Variants in NBPF19 observed in about 807,000 individuals in gnomAD.
NBPF19 encodes the protein NBPF member 19, also known as NBPF family member NBPF19.
NBPF19 carries 30 observed loss-of-function variants against 45.9 expected under a neutral mutation model. The observed-to-expected ratio is 0.65, with a 90% CI of 0.49 to 0.89. The LOEUF (loss-of-function observed/expected upper bound fraction) is 0.89, where lower values mean the gene tolerates loss of function less well. Ranked by LOEUF, NBPF19 falls within the 40% of genes least tolerant of loss-of-function variation. The pLI is 0.00. For missense variants in NBPF19, 495 were observed against 471.8 expected, an observed-to-expected ratio of 1.05 and a Z score of -0.46; for synonymous variants, 183 against 181.2, an observed-to-expected ratio of 1.01 and a Z score of -0.08.
rs1426278494 is a variant in NBPF19 at position 149,555,988 on chromosome 1, A to T, written c.*1250A>T. 2.1e-5 allele frequency: 3 copies of T among 143,044 alleles called. No homozygotes were observed. Among genetic ancestry groups the T allele is most frequent in the Non-Finnish European group, 4.6e-5 (3 of 64,752 alleles). The allele number at this position is 143,044 out of a possible 1,614,324, so 8.9% of individuals were successfully genotyped here. ...TTTTAGAGACACCTTACTTATAATG[A>T]AGTACTTGGGAAAGCGGTTTTCAAG... On this transcript the variant is annotated 3_prime_UTR_variant, in exon 94 of 94. Coordinates refer to ENST00000651566, the MANE Select transcript of NBPF19 (RefSeq NM_001351365.2).
At chr1:149,478,568 G>A (rs1178155469) in intron 3 of NBPF19, among the ~76,000 whole-genome samples, 13 of 151,148 alleles carry the variant, frequency 8.6e-5, no homozygotes, top group Non-Finnish European at 1.8e-4. Flanking sequence ...ACATGGAAAT[G>A]TCCATGGCCA....
intron 93 of NBPF19, 31 bp from the exon 94 acceptor site, chr1:149,554,464 G>C: frequency 6.2e-7 from 1 of 1,607,800 alleles, no homozygotes; most frequent in Admixed American, 1.7e-5. Flanking sequence ...ATTTTCCCTG[G>C]CTGCTTCTTT....
rs1181623244 is a variant in NBPF19 at position 149,478,229 on chromosome 1, G to C, written c.278+182G>C. Among the ~76,000 whole-genome samples the C allele has an allele frequency of 4.6e-5, 7 of 151,320 alleles. No homozygotes were observed. The East Asian group carries it at 7.8e-4, about 17-fold the overall frequency. ...GGATAATAATAAGTTCTGTGTTGCA[G>C]TTGTTTCTTAGAGCCTTGTTTTCTC... is the stretch of plus-strand genomic sequence containing the variant. On this transcript the variant is annotated intron_variant, in intron 3 of 93. Transcript: ENST00000651566.
At chr1:149,487,641 A>T (rs2085646932) in intron 9 of NBPF19, among the ~76,000 whole-genome samples, 1 of 150,532 alleles carries the variant, frequency 6.6e-6, no homozygotes, top group South Asian at 2.1e-4. Context: ...GGGAAACTTG[A>T]GCACATTTTA....
rs2101551534 is a variant in NBPF19, at chr1:149,478,886, T to C, written c.285T>C (p.Tyr95=). ...QLKQAEELRQ[Y]KVLFHSQERE... is the part of the protein sequence containing the mutation. ...CTCTACCGTCTCACCTTAGGCAATA[T>C]AAAGTCCTGTTTCACTCTCAGGAAC... is the stretch of plus-strand genomic sequence containing the variant. Residue 95 remains tyrosine, a synonymous_variant, in exon 4 of 94, where the codon TAT becomes TAC. Coordinates refer to ENST00000651566, the MANE Select transcript of NBPF19 (RefSeq NM_001351365.2). 1.2e-6 allele frequency: 2 copies of C among 1,605,106 alleles called. No individual in the cohort carries two copies. The highest frequency in any genetic ancestry group is 4.5e-5 in the East Asian group (2 of 44,806).
rs2101551745 is a variant in NBPF19 at position 149,479,017 on chromosome 1, C to T, written c.416C>T (p.Ser139Phe). ...CTCACTCCGGATGAGCCGGACAAGT[C>T]CCAGGGGCAGGACCTCCAAGAACAG... ...ALLTPDEPDKSQGQDLQEQLA... is the reference protein window; with the variant it reads ...ALLTPDEPDKFQGQDLQEQLA... The change falls in exon 4 of 94, where the codon TCC becomes TTC. Residue 139 changes from serine (S) to phenylalanine (F), a missense_variant. Transcript: ENST00000651566. 6 of 1,577,660 alleles carry T rather than the reference C, an allele frequency of 3.8e-6. No individual in the cohort carries two copies. The East Asian group carries it at 1.1e-4, about 29-fold the overall frequency.
intron 51 of NBPF19, among the ~76,000 whole-genome samples, chr1:149,521,112 C>G (rs1467136864): frequency 1.2e-5 from 1 of 83,832 alleles, no homozygotes; most frequent in African/African-American, 4.8e-5. Flanking sequence ...CTGTCTCTCT[C>G]TCTCTCTCTC....
At chr1:149,484,512 A>G (rs1347459038) in intron 7 of NBPF19, among the ~76,000 whole-genome samples, 1 of 145,908 alleles carries the variant, frequency 6.9e-6, no homozygotes, top group African/African-American at 2.6e-5. Flanking sequence ...ATATATATAT[A>G]TATACATACA....
At chr1:149,487,933 T>G (rs1353455697) in intron 9 of NBPF19, 80 bp from the exon 10 acceptor site, 1 of 725,484 alleles carries the variant, frequency 1.4e-6, no homozygotes. Flanking sequence ...CTCTTCCTTA[T>G]GTTAGCCATG....
intron 61 of NBPF19, among the ~76,000 whole-genome samples, chr1:149,528,947 G>T (rs1243777982): frequency 8.7e-6 from 1 of 115,328 alleles, no homozygotes; most frequent in Non-Finnish European, 1.8e-5. Flanking sequence ...CTCTCTCTCT[G>T]TGTGTGTGTG....
chr1:149,487,620 TGGTA>T (rs1332445263), intron 9 of NBPF19, among the ~76,000 whole-genome samples: 1 of 150,684 alleles, frequency 6.6e-6, no homozygotes, highest in Non-Finnish European at 1.5e-5. Flanking sequence ...TGTATTCTCA[TGGTA>T]ACTGCAGGGA....
intron 8 of NBPF19, among the ~76,000 whole-genome samples, chr1:149,486,555 G>C (rs2085516169): frequency 6.6e-6 from 1 of 151,418 alleles, no homozygotes; most frequent in East Asian, 1.9e-4. Flanking sequence ...ACTCAAGGCA[G>C]GTGTGGCAAA....
chr1:149,487,762 G>T (rs1211660791), intron 9 of NBPF19, among the ~76,000 whole-genome samples: 1 of 141,706 alleles, frequency 7.1e-6, no homozygotes, highest in South Asian at 2.2e-4. Context: ...CTGACCAATT[G>T]ACTGAGCTCG....
chr1:149,554,512 T>G lies in NBPF19; in HGVS notation c.11306T>G (p.Met3769Arg), dbSNP rs1215293262. 6.2e-7 allele frequency: 1 copy of G among 1,608,118 alleles called. No homozygotes were observed. Among genetic ancestry groups the G allele is most frequent in the Admixed American group, 1.7e-5 (1 of 59,862 alleles). The change falls in exon 94 of 94, where the codon ATG becomes AGG. Residue 3769 changes from methionine to arginine, a missense_variant. This residue lies in a region of NBPF19 where 248 missense variants were observed against 95.4 expected (regional missense o/e 2.60). Transcript: ENST00000651566. ...TTTTCCAGGCTCAACAGCGTGCTGA[T>G]GGAAGTGGAAGAGCCTGAAGTCTTA... The part of the protein sequence containing the change: ...PPCPRLNSVL[M>R]EVEEPEVLQD...
chr1:149,515,209 G>A lies in NBPF19; in HGVS notation c.5323+101G>A. The A allele has an allele frequency of 9.2e-6, 5 of 542,654 alleles. 1 individual carries two copies. The highest frequency in any genetic ancestry group is 1.3e-5 in the Non-Finnish European group (4 of 316,684). The allele number at this position is 542,654 out of a possible 1,614,324, so 33.6% of individuals were successfully genotyped here. ...CATTACTGAGCTGAGAGATGTCGTT[G>A]CCGCAGTGAGGACCTATAGGCACAT... On this transcript the variant is annotated intron_variant, in intron 44 of 93. Transcript: ENST00000651566.
At position 149,486,440 on chromosome 1, in the gene NBPF19, G is replaced by A. The variant is rs2085503513; in HGVS notation, c.988+147G>A. 1.3e-4 allele frequency: 91 copies of A among 689,720 alleles called. 2 individuals are homozygous for A. The highest frequency in any genetic ancestry group is 1.3e-3 in the South Asian group (84 of 65,476). The allele number at this position is 689,720 out of a possible 1,614,324, so 42.7% of individuals were successfully genotyped here. On this transcript the variant is annotated intron_variant, in intron 8 of 93. Coordinates refer to ENST00000651566, the MANE Select transcript of NBPF19 (RefSeq NM_001351365.2). ...TATCAATGTAGATTTCAGTCACTCT[G>A]GAGTCAAGTCTGAAGCACAGGCATG...
intron 2 of NBPF19, among the ~76,000 whole-genome samples, chr1:149,477,390 C>A (rs1364379016): frequency 6.6e-6 from 1 of 151,282 alleles, no homozygotes; most frequent in Admixed American, 6.6e-5. Context: ...AGTATTTGGG[C>A]ATATTTCCTT....
rs2087190206 is a variant in NBPF19, at chr1:149,554,476, G to T, written c.11289-19G>T. 2.5e-6 allele frequency: 4 copies of T among 1,607,818 alleles called. No individual in the cohort carries two copies. Among genetic ancestry groups the T allele is most frequent in the African/African-American group, 2.7e-5 (2 of 74,526 alleles). ...CTGATTTTCCCTGGCTGCTTCTTTA[G>T]TTTTGTCTCCTTTTCCAGGCTCAAC... On this transcript the variant is annotated intron_variant, in intron 93 of 93. Transcript: ENST00000651566.
chr1:149,487,565 C>A (rs1456721180), intron 9 of NBPF19, among the ~76,000 whole-genome samples, 182 bp downstream of exon 9: 6 of 150,860 alleles, frequency 4.0e-5, no homozygotes. Flanking sequence ...TCTTCCTACC[C>A]TTATCATTTA....
Sources: allele counts gnomAD v4.1 joint callset (sites outside exome capture counted in the v4.1 genomes callset), GRCh38; gene constraint gnomAD v4.1.1; regional missense constraint gnomAD v4.1.1; transcripts MANE v1.5; gene names NCBI Gene and HGNC (gene_info 2026-07-23, HGNC 2026-07-21).